The following SIPA1L3 variants were observed in gnomAD, a reference collection of about 807,000 sequenced individuals.
SIPA1L3 encodes signal-induced proliferation-associated 1-like protein 3.
Under a neutral mutation model 150.1 loss-of-function variants are expected in SIPA1L3, and 59 were observed. The observed-to-expected ratio is 0.39, with a 90% confidence interval of 0.32 to 0.49. The LOEUF (loss-of-function observed/expected upper bound fraction) is 0.49, where lower values mean the gene tolerates loss of function less well. SIPA1L3 is among the 20% of genes least tolerant of loss of function. The pLI is 0.86. For missense variants in SIPA1L3, 2,211 were observed against 2,489.5 expected (o/e 0.89, Z 2.38); for synonymous variants, 1,070 against 1,077.6 (o/e 0.99, Z 0.14).
chr19:38,199,112 G>T (rs1263546305), intron 19 of SIPA1L3, among the ~76,000 whole-genome samples: 1 of 152,178 alleles, frequency 6.6e-6, no homozygotes, highest in African/African-American at 2.4e-5. Context: ...AGGCCTGCAG[G>T]GATCCTCACT....
intron 4 of SIPA1L3, among the ~76,000 whole-genome samples, chr19:38,098,392 ATTT>A (rs71179411): frequency 4.5e-4 from 51 of 113,672 alleles, no homozygotes; most frequent in East Asian, 1.9e-3. Context: ...AGGGGCTTTC[ATTT>A]TTTTTTTTTT....
intron 1 of SIPA1L3, among the ~76,000 whole-genome samples, chr19:37,954,253 A>G (rs1416436498): frequency 6.6e-6 from 1 of 152,166 alleles, no homozygotes; most frequent in Non-Finnish European, 1.5e-5. Flanking sequence ...TTTGACATTC[A>G]TGATCCTACT....
At chr19:38,111,225 TCTCTCTGTTTTACCCAGGCTGGTCTTGAA>T (rs1429449973) in intron 8 of SIPA1L3, among the ~76,000 whole-genome samples, 1 of 151,546 alleles carries the variant, frequency 6.6e-6, no homozygotes, top group East Asian at 1.9e-4. Context: ...AGAGATGGGG[TCTCTCTGTTTTACCCAGGCTGGTCTTGAA>T]CTCTTGGCCT....
chr19:37,912,759 T>G (rs904375055), intron 1 of SIPA1L3, among the ~76,000 whole-genome samples: 2 of 152,208 alleles, frequency 1.3e-5, no homozygotes, highest in Non-Finnish European at 2.9e-5. Context: ...AGCCTACATG[T>G]GTTCTTTCAA....
At chr19:38,069,982 C>A (rs1969680102) in intron 2 of SIPA1L3, among the ~76,000 whole-genome samples, 1 of 151,724 alleles carries the variant, frequency 6.6e-6, no homozygotes. Flanking sequence ...GGCCCAGACA[C>A]CTATATTTTT....
intron 2 of SIPA1L3, among the ~76,000 whole-genome samples, chr19:38,051,752 A>G (rs555248311): frequency 6.6e-6 from 1 of 152,138 alleles, no homozygotes; most frequent in African/African-American, 2.4e-5. Flanking sequence ...ACACACCACC[A>G]CACCTGCTAA....
Position 38,133,302 on chromosome 19 carries a change from A to G in SIPA1L3, c.3143+2530A>G, listed in dbSNP as rs75381547. Among the ~76,000 whole-genome samples the G allele has an allele frequency of 4.6e-5, 7 of 152,346 alleles. No individual in the cohort carries two copies. The East Asian group carries it at 7.7e-4, about 17-fold the overall frequency. On this transcript the variant is annotated intron_variant, in intron 10 of 21. Transcript: ENST00000222345. ...CCACTGCTAGGCCCTGCCTAGATCC[A>G]TCATTTCATGACGGTTTGCAGACGA...
At chr19:38,141,508 C>T in intron 11 of SIPA1L3, 73 bp downstream of exon 11, 5 of 1,459,578 alleles carry the variant, frequency 3.4e-6, no homozygotes, top group Admixed American at 1.9e-5. Context: ...CCCTCCCTCT[C>T]CTCACTATTT....
intron 1 of SIPA1L3, among the ~76,000 whole-genome samples, chr19:37,990,195 CCCACATCTTGATTTTTGTAACTGGGTGGA>C (rs1201520084): frequency 1.3e-5 from 2 of 152,100 alleles, no homozygotes; most frequent in African/African-American, 2.4e-5. Flanking sequence ...TCATTTTATA[CCCACATCTTGATTTTTGTAACTGGGTGGA>C]CCAGATCACC....
At position 38,128,861 on chromosome 19, in the gene SIPA1L3, C is replaced by T. The variant is rs145050853; in HGVS notation, c.2869-1637C>T. ...GCAGTGAGCTGAGATCGGGCCACTG[C>T]ACTCCAGCCTGGGCGACAGCGAGAC... On this transcript the variant is annotated intron_variant, in intron 9 of 21. Coordinates refer to ENST00000222345, the MANE Select transcript of SIPA1L3 (RefSeq NM_015073.3). 8.2e-3 allele frequency among the ~76,000 whole-genome samples: 1,241 copies of T among 151,988 alleles called. 46 individuals carry two copies. In the South Asian group the frequency reaches 0.12, roughly 14 times the overall value.
intron 1 of SIPA1L3, among the ~76,000 whole-genome samples, chr19:38,020,595 G>A (rs907101931): frequency 3.3e-5 from 5 of 152,318 alleles, no homozygotes; most frequent in Middle Eastern, 3.4e-3. Flanking sequence ...GGGGCCAGCC[G>A]ACCACAGTGC....
At chr19:37,926,291 A>G (rs1020090325) in intron 1 of SIPA1L3, among the ~76,000 whole-genome samples, 1 of 152,122 alleles carries the variant, frequency 6.6e-6, no homozygotes, top group Non-Finnish European at 1.5e-5. Flanking sequence ...CCCCTGCCCT[A>G]CTTGTGGCCT....
chr19:38,191,238 C>G (rs1400415082), intron 16 of SIPA1L3, among the ~76,000 whole-genome samples: 1 of 151,510 alleles, frequency 6.6e-6, no homozygotes, highest in African/African-American at 2.4e-5. Context: ...AGGACCCCAT[C>G]TTTACAAAAA....
chr19:37,955,840 A>C (rs1356140190), intron 1 of SIPA1L3, among the ~76,000 whole-genome samples: 2 of 152,218 alleles, frequency 1.3e-5, no homozygotes, highest in African/African-American at 4.8e-5. Context: ...AGTTTGGGCT[A>C]GTATGAGTAG....
chr19:37,937,575 C>CA (rs1331349957), intron 1 of SIPA1L3, among the ~76,000 whole-genome samples: 2 of 148,416 alleles, frequency 1.3e-5, no homozygotes, highest in Middle Eastern at 3.6e-3. Context: ...CTCATCTCTA[C>CA]AAAAAAATTT....
chr19:38,125,541 C>T (rs551302924), intron 9 of SIPA1L3, among the ~76,000 whole-genome samples: 1 of 152,036 alleles, frequency 6.6e-6, no homozygotes, highest in African/African-American at 2.4e-5. Flanking sequence ...ATACCCCCAC[C>T]CCCACCCCCA....
At chr19:38,010,411 TA>T (rs57336441) in intron 1 of SIPA1L3, among the ~76,000 whole-genome samples, 107,098 of 141,776 alleles carry the variant, frequency 0.76, 40,120 homozygotes, top group East Asian at 0.96. Context: ...CTCTCAAAAT[TA>T]AAAAAAAAAA....
At position 38,082,837 on chromosome 19, in the gene SIPA1L3, G is replaced by T; in HGVS notation, c.1272G>T (p.Leu424=). 1.2e-6 allele frequency: 2 copies of T among 1,613,712 alleles called. No individual in the cohort carries two copies. Among genetic ancestry groups the T allele is most frequent in the Non-Finnish European group, 1.7e-6 (2 of 1,179,936 alleles). ...DLGDDNSNDL[L]LSCPHFRNEI... Reference sequence around the variant, plus strand: ...GCGATGACAACAGCAACGACCTGCTGCTCAGCTGCCCGCACTTCCGCAATG... The same window carrying T: ...GCGATGACAACAGCAACGACCTGCTTCTCAGCTGCCCGCACTTCCGCAATG... Residue 424 remains leucine, a synonymous_variant, in exon 3 of 22, where the codon CTG becomes CTT. Transcript: ENST00000222345.
intron 2 of SIPA1L3, 38 bp from the exon 3 acceptor site, chr19:38,081,218 G>A (rs1290096061): frequency 4.9e-6 from 2 of 406,754 alleles, no homozygotes; most frequent in Non-Finnish European, 8.7e-6. Flanking sequence ...CAGTAACACG[G>A]CCATCGCAGC....
Sources: allele counts gnomAD v4.1 joint callset (sites outside exome capture counted in the v4.1 genomes callset), GRCh38; gene constraint gnomAD v4.1.1; transcripts MANE v1.5; gene names NCBI Gene and HGNC (gene_info 2026-07-23, HGNC 2026-07-21).